Variants in HELZ observed in about 807,000 individuals in gnomAD.
HELZ encodes the protein ATP-dependent RNA helicase with zinc finger domain.
Under a neutral mutation model 218.2 loss-of-function variants are expected in HELZ, and 23 were observed. The ratio of observed to expected loss-of-function variants is 0.11; its 90% confidence interval spans 0.08 to 0.15. The LOEUF is 0.15. HELZ is among the 10% of genes least tolerant of loss of function. The pLI is 1.00. For synonymous variants in HELZ, 814 were observed against 829.4 expected (o/e 0.98, Z 0.32); for missense variants, 1,813 against 2,353.7 (o/e 0.77, Z 4.75).
At chr17:67,199,806 T>C (rs1278366625) in intron 7 of HELZ, among the ~76,000 whole-genome samples, 2 of 152,208 alleles carry the variant, frequency 1.3e-5, no homozygotes, top group Non-Finnish European at 2.9e-5. Flanking sequence ...GAGTTCAAAG[T>C]TGACACCAGG....
rs572586279 is a variant in HELZ at position 67,215,054 on chromosome 17, G to C, written c.247+845C>G. ...AGCTACTTGCAAGGCTGAGGCAGGA[G>C]GACTGCTTGAGCCTGGAAGGTAGAG... On this transcript the variant is annotated intron_variant, in intron 5 of 32. Transcript: ENST00000358691. Among the ~76,000 whole-genome samples the C allele has an allele frequency of 3.3e-5, 5 of 152,186 alleles. 1 individual carries two copies. In the South Asian group the frequency reaches 1.0e-3, roughly 32 times the overall value.
chr17:67,131,845 T>C (rs1283246204), intron 23 of HELZ, among the ~76,000 whole-genome samples: 1 of 152,136 alleles, frequency 6.6e-6, no homozygotes, highest in Non-Finnish European at 1.5e-5. Context: ...TTTTTTCTCT[T>C]TACACTGGCC....
At chr17:67,103,298 T>C (rs1567801715) in intron 31 of HELZ, among the ~76,000 whole-genome samples, 1 of 152,156 alleles carries the variant, frequency 6.6e-6, no homozygotes, top group Non-Finnish European at 1.5e-5. Context: ...GGCATTCAGA[T>C]TGGAAAGGAA....
rs184164231 is a variant in HELZ at position 67,231,780 on chromosome 17, C to T, written c.-19+7653G>A. Among the ~76,000 whole-genome samples the T allele has an allele frequency of 1.5e-3, 233 of 150,606 alleles. 2 individuals carry two copies. The highest frequency in any genetic ancestry group is 5.3e-3 in the African/African-American group (217 of 41,018). On this transcript the variant is annotated intron_variant, in intron 3 of 32. Transcript: ENST00000358691. ...TGAAAAGTTTATTACAGGCCAGGTG[C>T]GGTGGCTCACACCTGTAATCCTAGC...
chr17:67,244,624 T>A, intron 1 of HELZ: 1 of 640,874 alleles, frequency 1.6e-6, no homozygotes, highest in Non-Finnish European at 1.9e-6. Context: ...CCGAGAGCCC[T>A]CCGCGGGGGA....
chr17:67,184,670 G>C (rs1034894760), intron 12 of HELZ, among the ~76,000 whole-genome samples: 3 of 151,910 alleles, frequency 2.0e-5, no homozygotes, highest in Non-Finnish European at 2.9e-5. Flanking sequence ...TTTTTAATTA[G>C]CCAGGCATGG....
rs1185657762 is a variant in HELZ, at chr17:67,075,629, A to C, written c.*2623T>G. 6.6e-6 allele frequency: 1 copy of C among 152,222 alleles called. No individual in the cohort carries two copies. Among genetic ancestry groups the C allele is most frequent in the South Asian group, 2.1e-4 (1 of 4,830 alleles). 9.4% of individuals were successfully genotyped at this position (152,222 alleles called of 1,614,324 possible). ...TTACACAAGACGTGTTCAAAATGTT[A>C]TAAGATACTATGCGTAAAGAGCAGG... is the stretch of plus-strand genomic sequence containing the variant. On this transcript the variant is annotated 3_prime_UTR_variant, in exon 33 of 33. Coordinates refer to ENST00000358691, the MANE Select transcript of HELZ (RefSeq NM_014877.4).
chr17:67,206,060 G>GA (rs1309034765), intron 5 of HELZ, among the ~76,000 whole-genome samples: 3 of 152,152 alleles, frequency 2.0e-5, no homozygotes, highest in Admixed American at 6.5e-5. Context: ...AAGCTTGGGG[G>GA]AAAAAAAGTA....
In HELZ at chr17:67,078,510, G is replaced by A. The variant is rs1349849416; in HGVS notation, c.5571C>T (p.Tyr1857=). The A allele has an allele frequency of 1.4e-5, 21 of 1,538,776 alleles. No individual in the cohort carries two copies. Among genetic ancestry groups the A allele is most frequent in the Non-Finnish European group, 1.8e-5 (21 of 1,147,206 alleles). The change falls in exon 33 of 33, where the codon TAC becomes TAT. Residue 1857 remains tyrosine (Y), a synonymous_variant. Transcript: ENST00000358691. The stretch of plus-strand genomic sequence containing the variant: ...ACTGGCCAAGATGCTGCAGCACACT[G>A]TAGTTGAAGGAACTGGACACCTCGA... ...ENLEVSSSFN[Y]SVLQHLGQFP...
At chr17:67,099,564 A>G (rs1264276255) in intron 31 of HELZ, among the ~76,000 whole-genome samples, 1 of 152,246 alleles carries the variant, frequency 6.6e-6, no homozygotes. Flanking sequence ...CATTTAATAC[A>G]GGAAATCTAA....
At chr17:67,154,798 T>C (rs1375923625) in intron 17 of HELZ, among the ~76,000 whole-genome samples, 1 of 152,208 alleles carries the variant, frequency 6.6e-6, no homozygotes, top group Non-Finnish European at 1.5e-5. Flanking sequence ...GGCAGAAGAA[T>C]TATAACCTCT....
At position 67,123,023 on chromosome 17, in the gene HELZ, G is replaced by T; in HGVS notation, c.3577C>A (p.Leu1193Ile). 1 of 1,613,814 alleles carries T rather than the reference G, an allele frequency of 6.2e-7. No individual in the cohort carries two copies. The highest frequency in any genetic ancestry group is 1.1e-5 in the South Asian group (1 of 91,062). The change falls in exon 26 of 33, where the codon CTT becomes ATT. Residue 1193 changes from leucine to isoleucine, a missense_variant. By Grantham distance (5) the Leu-to-Ile change is conservative (BLOSUM62 2). Transcript: ENST00000358691. ...CCTCCATAGACAGCAGGTACATAAA[G>T]AATACTTGTCCCAGTGTGAGGATCT... is the stretch of plus-strand genomic sequence containing the variant. ...RIDPHTGTSILYVPAVYGGNV... is the reference protein window; with the variant it reads ...RIDPHTGTSIIYVPAVYGGNV...
chr17:67,164,428 T>C (rs760273673), intron 15 of HELZ, among the ~76,000 whole-genome samples: 6 of 152,064 alleles, frequency 3.9e-5, no homozygotes, highest in Middle Eastern at 3.4e-3. Context: ...AGACAGAAAA[T>C]CACTTAAAGA....
chr17:67,161,288 T>C (rs1198150533), intron 15 of HELZ, among the ~76,000 whole-genome samples: 1 of 152,226 alleles, frequency 6.6e-6, no homozygotes, highest in Non-Finnish European at 1.5e-5. Context: ...ATTAATTTTA[T>C]CTTGTCCTAC....
chr17:67,245,308 C>T (rs1692015406), upstream of HELZ: 2 of 849,000 alleles, frequency 2.4e-6, no homozygotes, highest in Non-Finnish European at 2.8e-6. Context: ...CGGAAAGTTG[C>T]CCCGGGTGGA....
At chr17:67,197,168 A>G (rs989977651) in intron 7 of HELZ, among the ~76,000 whole-genome samples, 2 of 152,138 alleles carry the variant, frequency 1.3e-5, no homozygotes, top group Non-Finnish European at 2.9e-5. Context: ...AATTTCCCCC[A>G]TATCGTTCTT....
intron 17 of HELZ, among the ~76,000 whole-genome samples, chr17:67,158,588 A>C (rs2038908801): frequency 6.6e-6 from 1 of 152,200 alleles, no homozygotes; most frequent in Non-Finnish European, 1.5e-5. Flanking sequence ...GCTTTTTCTT[A>C]CTTTATTCCA....
In HELZ at chr17:67,128,682, C is replaced by A. The variant is rs983579325; in HGVS notation, c.3356G>T (p.Ser1119Ile). The change falls in exon 24 of 33, where the codon AGT becomes ATT. Residue 1119 changes from serine (S) to isoleucine (I), a missense_variant. Physicochemically the swap from Ser to Ile is moderately radical, Grantham distance 142. This residue lies in a region of HELZ where 938 missense variants were observed against 1,027.5 expected (regional missense o/e 0.91). Coordinates refer to ENST00000358691, the MANE Select transcript of HELZ (RefSeq NM_014877.4). ...PRALRLQHSG[S>I]TNKQQQSPPK... ...TGGTGATTGCTGCTGTTTGTTGGTA[C>A]TTCCTGAATGCTGCAGTCTTAGAGC... The A allele has an allele frequency of 2.5e-6, 4 of 1,614,022 alleles. No individual in the cohort carries two copies. In the African/African-American group the frequency reaches 5.3e-5, roughly 22 times the overall value.
chr17:67,160,426 T>G (rs2038962996), intron 16 of HELZ, 64 bp from the exon 17 acceptor site: 1 of 1,124,166 alleles, frequency 8.9e-7, no homozygotes, highest in Admixed American at 2.0e-5. Flanking sequence ...AGCAGTATAA[T>G]ACCAAAAAAA....
Sources: allele counts gnomAD v4.1 joint callset (sites outside exome capture counted in the v4.1 genomes callset), GRCh38; gene constraint gnomAD v4.1.1; regional missense constraint gnomAD v4.1.1; transcripts MANE v1.5; gene names NCBI Gene and HGNC (gene_info 2026-07-23, HGNC 2026-07-21).